The following KHDRBS2 variants were observed in gnomAD, a reference collection of about 807,000 sequenced individuals.
KHDRBS2 encodes KH domain-containing, RNA-binding, signal transduction-associated protein 2.
A neutral mutation model predicts 44.3 loss-of-function variants in KHDRBS2; 26 were observed. The observed-to-expected ratio is 0.59, with a 90% CI of 0.43 to 0.81. KHDRBS2 has a LOEUF of 0.81. Ranked by LOEUF, KHDRBS2 falls within the 40% of genes least tolerant of loss-of-function variation. KHDRBS2 has a pLI of 0.00. For missense variants in KHDRBS2, 476 were observed against 433.1 expected, an observed-to-expected ratio of 1.10 and a Z score of -0.88; for synonymous variants, 194 against 151.1, an observed-to-expected ratio of 1.28 and a Z score of -2.08.
At chr6:61,768,529 T>TA (rs1780345018) in intron 6 of KHDRBS2, among the ~76,000 whole-genome samples, 1 of 152,170 alleles carries the variant, frequency 6.6e-6, no homozygotes. Flanking sequence ...ATCTTGTATG[T>TA]ATGCTTCACT....
chr6:62,105,375 T>C (rs920703212), intron 2 of KHDRBS2, among the ~76,000 whole-genome samples: 3 of 152,216 alleles, frequency 2.0e-5, no homozygotes, highest in South Asian at 2.1e-4. Context: ...TTTTAGTTAA[T>C]AGGAACCAAC....
chr6:62,231,956 A>T (rs1256308460), intron 1 of KHDRBS2, among the ~76,000 whole-genome samples: 1 of 152,168 alleles, frequency 6.6e-6, no homozygotes, highest in Non-Finnish European at 1.5e-5. Flanking sequence ...GCAATATTTC[A>T]TTGAAATGAA....
chr6:61,681,814 A>C (rs935242368), intron 8 of KHDRBS2, among the ~76,000 whole-genome samples: 22 of 152,062 alleles, frequency 1.4e-4, no homozygotes, highest in Admixed American at 7.2e-4. Context: ...GCTTTTGAGT[A>C]CTGTGGAAAA....
chr6:61,945,134 T>TATAC (rs1813066386), intron 4 of KHDRBS2, among the ~76,000 whole-genome samples: 1 of 100,354 alleles, frequency 1.0e-5, no homozygotes, highest in African/African-American at 3.7e-5. Flanking sequence ...TATATATATA[T>TATAC]ATATATATAT....
At chr6:61,974,982 A>G in intron 4 of KHDRBS2, among the ~76,000 whole-genome samples, 1 of 141,114 alleles carries the variant, frequency 7.1e-6, no homozygotes, top group East Asian at 2.1e-4. Context: ...ATAAATAAAT[A>G]AAAGACTACA....
At chr6:61,969,726 G>GA (rs1242358472) in intron 4 of KHDRBS2, among the ~76,000 whole-genome samples, 1 of 151,848 alleles carries the variant, frequency 6.6e-6, no homozygotes, top group Non-Finnish European at 1.5e-5. Flanking sequence ...TCATCAGATG[G>GA]CATTTTCAAT....
intron 7 of KHDRBS2, among the ~76,000 whole-genome samples, chr6:61,715,881 C>T (rs1771327553): frequency 6.6e-6 from 1 of 151,620 alleles, no homozygotes; most frequent in Admixed American, 6.6e-5. Flanking sequence ...TATTTGAATC[C>T]TTAAAATGTT....
chr6:62,243,646 A>C (rs1182027396), intron 1 of KHDRBS2, among the ~76,000 whole-genome samples: 4 of 152,160 alleles, frequency 2.6e-5, no homozygotes, highest in Non-Finnish European at 4.4e-5. Flanking sequence ...AAAGGTAAAT[A>C]ACCGCTAGAA....
chr6:61,609,451 A>G, the KHDRBS2 span, among the ~76,000 whole-genome samples: 2 of 152,206 alleles, frequency 1.3e-5, no homozygotes, highest in African/African-American at 4.8e-5. Context: ...TTATGTAGCT[A>G]TTTATAATGT....
intron 2 of KHDRBS2, among the ~76,000 whole-genome samples, chr6:62,067,843 G>C (rs1289597618): frequency 6.6e-6 from 1 of 151,502 alleles, no homozygotes. Context: ...ACAACATGTG[G>C]TTTTTCCTTT....
At chr6:61,952,993 G>C (rs1765090814) in intron 4 of KHDRBS2, among the ~76,000 whole-genome samples, 1 of 151,406 alleles carries the variant, frequency 6.6e-6, no homozygotes, top group Non-Finnish European at 1.5e-5. Context: ...TACTCTTTTT[G>C]TTATATTTGT....
At chr6:61,711,017 T>C (rs961005617) in intron 7 of KHDRBS2, among the ~76,000 whole-genome samples, 5 of 150,714 alleles carry the variant, frequency 3.3e-5, no homozygotes, top group African/African-American at 4.9e-5. Flanking sequence ...TAAAAACCTA[T>C]AGTAACTGTG....
chr6:61,628,763 T>C, the KHDRBS2 span, among the ~76,000 whole-genome samples: 1 of 152,230 alleles, frequency 6.6e-6, no homozygotes, highest in African/African-American at 2.4e-5. Context: ...TTGTGTTGTA[T>C]GTGGTTATCA....
chr6:61,715,805 T>C (rs956315928), intron 7 of KHDRBS2, among the ~76,000 whole-genome samples: 2 of 148,418 alleles, frequency 1.3e-5, no homozygotes, highest in Non-Finnish European at 3.0e-5. Flanking sequence ...TTTTTTTTTT[T>C]CTCTATCTTG....
chr6:62,142,630 TAA>T lies in KHDRBS2; in HGVS notation c.219+34553_219+34554del, dbSNP rs1813084798. 3.9e-5 allele frequency among the ~76,000 whole-genome samples: 6 copies of T among 152,086 alleles called. No individual in the cohort carries two copies. In the South Asian group the frequency reaches 1.2e-3, roughly 32 times the overall value. ...ATGAACGTTTGAAAAAATTTCATGA[TAA>T]AGAGGATATAGGACTACTTTAAGTC... On this transcript the variant is annotated intron_variant, in intron 2 of 8. Coordinates refer to ENST00000281156, the MANE Select transcript of KHDRBS2 (RefSeq NM_152688.4).
chr6:62,210,324 AT>A (rs1028641877), intron 1 of KHDRBS2, among the ~76,000 whole-genome samples: 2 of 138,072 alleles, frequency 1.4e-5, no homozygotes, highest in Non-Finnish European at 3.1e-5. Flanking sequence ...TTATTCTAGC[AT>A]TCTTTTTTTT....
intron 7 of KHDRBS2, among the ~76,000 whole-genome samples, chr6:61,725,809 A>G (rs1773457945): frequency 6.6e-6 from 1 of 152,172 alleles, no homozygotes; most frequent in Non-Finnish European, 1.5e-5. Flanking sequence ...TAAATAGCCC[A>G]CCAACCAAAA....
chr6:62,044,593 C>T (rs1238644693), intron 3 of KHDRBS2, among the ~76,000 whole-genome samples: 2 of 152,142 alleles, frequency 1.3e-5, no homozygotes, highest in South Asian at 2.1e-4. Context: ...ATTATCATGT[C>T]TTATAAAGGT....
chr6:62,139,609 A>G (rs1812349475), intron 2 of KHDRBS2, among the ~76,000 whole-genome samples: 4 of 152,144 alleles, frequency 2.6e-5, no homozygotes, highest in African/African-American at 9.7e-5. Flanking sequence ...AAATACAAAT[A>G]TATCTTTTGA....
Sources: gnomAD v4.1 joint callset for allele counts (sites outside exome capture counted in the v4.1 genomes callset) on GRCh38, gnomAD v4.1.1 for gene constraint, MANE v1.5 for transcripts, NCBI Gene and HGNC (gene_info 2026-07-23, HGNC 2026-07-21) for gene names.